CNBD1: variants seen among roughly 807,000 people sequenced by gnomAD.
CNBD1 encodes cyclic nucleotide binding domain containing 1.
Under a neutral mutation model 54.4 loss-of-function variants are expected in CNBD1, and 71 were observed. The observed-to-expected ratio is 1.30, with a 90% CI of 1.08 to 1.59. CNBD1 has a LOEUF of 1.59. Ranked by LOEUF, CNBD1 falls within the 40% of genes most tolerant of loss-of-function variation. The pLI, the probability that CNBD1 is intolerant of heterozygous loss-of-function variation, is 0.00. For missense variants in CNBD1, 659 were observed against 518.0 expected, an observed-to-expected ratio of 1.27 and a Z score of -2.64; for synonymous variants, 182 against 170.7, an observed-to-expected ratio of 1.07 and a Z score of -0.51.
chr8:87,355,994 G>C (rs75994493), intron 10 of CNBD1, among the ~76,000 whole-genome samples: 6,655 of 151,934 alleles, frequency 0.044, 192 homozygotes, highest in Non-Finnish European at 0.06. Flanking sequence ...TGTTTCTCTT[G>C]CTCCTTCTTT....
intron 2 of CNBD1, among the ~76,000 whole-genome samples, chr8:87,428,135 C>CA (rs1491178459): frequency 8.1e-5 from 6 of 73,916 alleles, no homozygotes; most frequent in South Asian, 3.5e-4. Context: ...CTCCCCCAAC[C>CA]AAAAAAAAGG....
At chr8:86,941,082 A>G (rs754546148) in intron 4 of CNBD1, among the ~76,000 whole-genome samples, 5 of 152,308 alleles carry the variant, frequency 3.3e-5, no homozygotes, top group Admixed American at 6.5e-5. Flanking sequence ...TATGATTGCA[A>G]ATTTGAGGAA....
At chr8:86,928,380 C>T (rs1337968416) in intron 3 of CNBD1, among the ~76,000 whole-genome samples, 2 of 152,122 alleles carry the variant, frequency 1.3e-5, no homozygotes, top group African/African-American at 4.8e-5. Flanking sequence ...TTAAGTGCCT[C>T]TTGAGTATTT....
intron 4 of CNBD1, among the ~76,000 whole-genome samples, chr8:87,022,773 A>G (rs1353110318): frequency 6.6e-6 from 1 of 152,238 alleles, no homozygotes. Flanking sequence ...TTGCAAGTTG[A>G]TTCTCAAATA....
At chr8:86,968,550 C>T (rs1016484050) in intron 4 of CNBD1, among the ~76,000 whole-genome samples, 7 of 152,152 alleles carry the variant, frequency 4.6e-5, no homozygotes, top group Non-Finnish European at 1.0e-4. Context: ...GGACGTGCAC[C>T]AGGGAGGCAG....
intron 5 of CNBD1, among the ~76,000 whole-genome samples, chr8:87,220,343 G>A (rs1478949578): frequency 1.3e-5 from 2 of 151,936 alleles, no homozygotes; most frequent in Non-Finnish European, 2.9e-5. Flanking sequence ...AAGCCAGGAT[G>A]ATTTAGTGAT....
intron 3 of CNBD1, among the ~76,000 whole-genome samples, chr8:86,935,036 T>TATTA (rs1337334573): frequency 1.3e-5 from 2 of 151,670 alleles, no homozygotes; most frequent in African/African-American, 4.8e-5. Flanking sequence ...TTTATTTATT[T>TATTA]ATTTATTTAT....
In CNBD1 at chr8:87,097,080, GA is replaced by G. The variant is rs553839452; in HGVS notation, c.432-108906del. 3.6e-3 allele frequency among the ~76,000 whole-genome samples: 553 copies of G among 152,066 alleles called. 4 individuals are homozygous for G. Among genetic ancestry groups the G allele is most frequent in the Non-Finnish European group, 6.7e-3 (453 of 67,972 alleles). The stretch of plus-strand genomic sequence containing the variant: ...CCTCAAAAGCTTGCTTTTTAGTGAG[GA>G]AAAAAATTAAAAGGTTTATTCAACC... On this transcript the variant is annotated intron_variant, in intron 4 of 10. Transcript: ENST00000518476.
At chr8:86,905,643 G>A (rs1311195944) in intron 3 of CNBD1, among the ~76,000 whole-genome samples, 2 of 152,116 alleles carry the variant, frequency 1.3e-5, no homozygotes, top group African/African-American at 4.8e-5. Flanking sequence ...CTGCTTCTAG[G>A]TGGACCTACA....
At chr8:87,363,724 G>C (rs1374959478) in intron 10 of CNBD1, among the ~76,000 whole-genome samples, 1 of 151,872 alleles carries the variant, frequency 6.6e-6, no homozygotes, top group Non-Finnish European at 1.5e-5. Flanking sequence ...TTGTGATTTT[G>C]TTTAAGTTCC....
At chr8:87,130,652 C>A (rs1399755980) in intron 4 of CNBD1, among the ~76,000 whole-genome samples, 1 of 151,850 alleles carries the variant, frequency 6.6e-6, no homozygotes. Context: ...GTGGTAGGCA[C>A]CTGTTTCCCA....
chr8:86,925,671 A>G (rs906984881), intron 3 of CNBD1, among the ~76,000 whole-genome samples: 4 of 151,048 alleles, frequency 2.6e-5, no homozygotes, highest in African/African-American at 9.8e-5. Context: ...ACTCGAGGTC[A>G]TGAGTTTGTG....
chr8:87,125,476 T>G (rs1234399166), intron 4 of CNBD1, among the ~76,000 whole-genome samples: 1 of 151,822 alleles, frequency 6.6e-6, no homozygotes, highest in Non-Finnish European at 1.5e-5. Context: ...AATATGCCCA[T>G]GCATTTATAG....
intron 8 of CNBD1, among the ~76,000 whole-genome samples, chr8:87,342,613 G>GT (rs1810088090): frequency 6.6e-6 from 1 of 152,146 alleles, no homozygotes; most frequent in African/African-American, 2.4e-5. Context: ...TAAAGAGAAA[G>GT]GGTATAAAGA....
At chr8:87,134,195 A>G (rs1218418303) in intron 4 of CNBD1, among the ~76,000 whole-genome samples, 1 of 152,182 alleles carries the variant, frequency 6.6e-6, no homozygotes, top group African/African-American at 2.4e-5. Flanking sequence ...ATTTGAATGT[A>G]ATTATTGACT....
At chr8:87,141,151 C>A (rs1374180606) in intron 4 of CNBD1, among the ~76,000 whole-genome samples, 1 of 151,740 alleles carries the variant, frequency 6.6e-6, no homozygotes, top group Non-Finnish European at 1.5e-5. Flanking sequence ...GTAGAAATAC[C>A]CTTAGTTTGT....
Position 87,223,488 on chromosome 8 carries a change from A to G in CNBD1, c.578-13431A>G, listed in dbSNP as rs540097304. On this transcript the variant is annotated intron_variant, in intron 5 of 10. Transcript: ENST00000518476. The stretch of plus-strand genomic sequence containing the variant: ...TTCCCACCTATGAGTGAGAATATGC[A>G]GTGTTTGGTTTTTTGTTCTTGCGAT... 2.3e-3 allele frequency among the ~76,000 whole-genome samples: 351 copies of G among 149,434 alleles called. 7 individuals carry two copies. The highest frequency in any genetic ancestry group is 0.021 in the South Asian group (101 of 4,772).
intron 4 of CNBD1, among the ~76,000 whole-genome samples, chr8:86,995,728 CAGAG>C (rs796302333): frequency 2.7e-5 from 4 of 149,962 alleles, no homozygotes; most frequent in African/African-American, 5.0e-5. Context: ...GAGAGAGAGA[CAGAG>C]AGTCAAAAAC....
rs189325114 is a variant in CNBD1, at chr8:87,352,294, C to G, written c.1152+500C>G. Among the ~76,000 whole-genome samples the G allele has an allele frequency of 3.8e-3, 581 of 152,016 alleles. 8 individuals carry two copies. The highest frequency in any genetic ancestry group is 0.013 in the African/African-American group (547 of 41,450). The stretch of plus-strand genomic sequence containing the variant: ...AGGAGATCGAGACCATCCTGGCCAA[C>G]ATGGCAAAACCCTGTCTTTACTAAA... On this transcript the variant is annotated intron_variant, in intron 9 of 10. Transcript: ENST00000518476.
Sources: gnomAD v4.1 joint callset for allele counts (sites outside exome capture counted in the v4.1 genomes callset) on GRCh38, gnomAD v4.1.1 for gene constraint, MANE v1.5 for transcripts, NCBI Gene and HGNC (gene_info 2026-07-23, HGNC 2026-07-21) for gene names.